SYK: variants seen among roughly 807,000 people sequenced by gnomAD.
SYK encodes tyrosine-protein kinase SYK.
A neutral mutation model predicts 77.8 loss-of-function variants in SYK; 16 were observed. That is an observed-to-expected ratio of 0.21 (90% confidence interval 0.14 to 0.31). The LOEUF is 0.31. Ranked by LOEUF, SYK falls within the 10% of genes least tolerant of loss-of-function variation. The pLI is 1.00. For missense variants in SYK, 529 were observed against 814.4 expected (o/e 0.65, Z 4.26); for synonymous variants, 312 against 308.7 (o/e 1.01, Z -0.11).
chr9:90,849,445 T>C (rs1336104052), intron 3 of SYK, among the ~76,000 whole-genome samples: 1 of 152,140 alleles, frequency 6.6e-6, no homozygotes, highest in Non-Finnish European at 1.5e-5. Flanking sequence ...CCATTCTCCA[T>C]CTCCCAGCTC....
Position 90,833,912 on chromosome 9 carries a change from T to C in SYK, c.-41-9946T>C, listed in dbSNP as rs192566733. Among the ~76,000 whole-genome samples, 28 of 152,300 alleles carry C rather than the reference T, an allele frequency of 1.8e-4. No homozygotes were observed. The East Asian group carries it at 5.4e-3, about 29-fold the overall frequency. ...CACATGGAAGACATGAGGATGCTAG[T>C]GGGATATGATGGGCTCATCCATTTC... On this transcript the variant is annotated intron_variant, in intron 1 of 13. Transcript: ENST00000375754.
intron 1 of SYK, among the ~76,000 whole-genome samples, chr9:90,841,554 GGTGTAGT>G (rs1406690346): frequency 1.9e-5 from 2 of 105,266 alleles, no homozygotes; most frequent in Non-Finnish European, 4.3e-5. Flanking sequence ...GTATGTGTGT[GGTGTAGT>G]GTGTGTGATG....
intron 1 of SYK, among the ~76,000 whole-genome samples, chr9:90,822,653 T>G (rs1825557348): frequency 6.6e-6 from 1 of 152,228 alleles, no homozygotes; most frequent in South Asian, 2.1e-4. Flanking sequence ...GCGGTCCTCC[T>G]GGGTCCCAAT....
At chr9:90,808,509 A>G (rs917802919) in intron 1 of SYK, among the ~76,000 whole-genome samples, 1 of 148,762 alleles carries the variant, frequency 6.7e-6, no homozygotes, top group African/African-American at 2.5e-5. Flanking sequence ...TTAAGGCTGC[A>G]TTCTTGCAGC....
intron 1 of SYK, among the ~76,000 whole-genome samples, chr9:90,809,632 C>T (rs1169028344): frequency 6.6e-6 from 1 of 152,194 alleles, no homozygotes; most frequent in East Asian, 1.9e-4. Context: ...TAGACACAAT[C>T]CCAAACCAAT....
At chr9:90,881,942 G>A (rs936758288) in intron 11 of SYK, among the ~76,000 whole-genome samples, 1 of 152,180 alleles carries the variant, frequency 6.6e-6, no homozygotes, top group Non-Finnish European at 1.5e-5. Flanking sequence ...GGTCCAATCA[G>A]TCATAGCAGA....
intron 1 of SYK, among the ~76,000 whole-genome samples, chr9:90,841,460 G>C (rs866549247): frequency 7.0e-6 from 1 of 142,852 alleles, no homozygotes; most frequent in Non-Finnish European, 1.5e-5. Context: ...TATGTAGTTT[G>C]TGTGTGTGTG....
At chr9:90,826,266 G>A (rs996396401) in intron 1 of SYK, among the ~76,000 whole-genome samples, 5 of 152,224 alleles carry the variant, frequency 3.3e-5, no homozygotes, top group Admixed American at 1.3e-4. Context: ...CCTGAGGCTC[G>A]ATGACCAGGT....
intron 1 of SYK, among the ~76,000 whole-genome samples, chr9:90,829,777 A>G (rs1250563721): frequency 6.6e-6 from 1 of 152,216 alleles, no homozygotes; most frequent in Non-Finnish European, 1.5e-5. Context: ...CTGGTTGTTT[A>G]TTTATAACTA....
intron 9 of SYK, among the ~76,000 whole-genome samples, chr9:90,875,090 G>A (rs1827876192): frequency 6.6e-6 from 1 of 151,876 alleles, no homozygotes; most frequent in Non-Finnish European, 1.5e-5. Flanking sequence ...ATAGAAACAA[G>A]CAGAAACATA....
chr9:90,891,134 G>A (rs1047485656), intron 13 of SYK, among the ~76,000 whole-genome samples: 1 of 140,160 alleles, frequency 7.1e-6, no homozygotes, highest in Non-Finnish European at 1.5e-5. Flanking sequence ...CCGACGCCAT[G>A]TTGCCTGCTT....
intron 1 of SYK, among the ~76,000 whole-genome samples, chr9:90,838,633 A>C (rs543549564): frequency 1.3e-5 from 2 of 152,354 alleles, no homozygotes; most frequent in East Asian, 3.9e-4. Flanking sequence ...TGAGGGGTAC[A>C]GGTGGAGTTA....
chr9:90,856,259 A>G (rs1264649908), intron 3 of SYK, among the ~76,000 whole-genome samples: 1 of 152,148 alleles, frequency 6.6e-6, no homozygotes, highest in African/African-American at 2.4e-5. Flanking sequence ...AGCTAAGCCA[A>G]TGGTTCTCAT....
intron 11 of SYK, among the ~76,000 whole-genome samples, chr9:90,883,007 C>T (rs373554330): frequency 2.6e-5 from 4 of 152,154 alleles, no homozygotes; most frequent in Non-Finnish European, 4.4e-5. Flanking sequence ...AGAGGCATTG[C>T]TCCATAGAGG....
At chr9:90,815,493 T>C (rs2118350601) in intron 1 of SYK, among the ~76,000 whole-genome samples, 1 of 152,330 alleles carries the variant, frequency 6.6e-6, no homozygotes, top group South Asian at 2.1e-4. Context: ...GAAGTCGTTT[T>C]GAAGGGTTTG....
rs573845270 is a variant in SYK at position 90,863,196 on chromosome 9, A to G, written c.717+852A>G. Among the ~76,000 whole-genome samples, 124 of 152,358 alleles carry G rather than the reference A, an allele frequency of 8.1e-4. 1 individual carries two copies. Among genetic ancestry groups the G allele is most frequent in the African/African-American group, 2.9e-3 (121 of 41,584 alleles). ...AAATAACCGTAACAGTACTTCGTGC[A>G]TCATCTTCGCAGAGCATCCTATAAA... is the stretch of plus-strand genomic sequence containing the variant. On this transcript the variant is annotated intron_variant, in intron 4 of 13. Transcript: ENST00000375754.
chr9:90,873,428 G>A (rs576809786), intron 7 of SYK, among the ~76,000 whole-genome samples: 1 of 152,172 alleles, frequency 6.6e-6, no homozygotes, highest in Non-Finnish European at 1.5e-5. Context: ...GGAAGAAAGG[G>A]TGGGTCAGGA....
chr9:90,861,496 T>A (rs1004217937), intron 3 of SYK, among the ~76,000 whole-genome samples: 6 of 151,384 alleles, frequency 4.0e-5, no homozygotes, highest in Admixed American at 2.0e-4. Flanking sequence ...CAGCCCTGCC[T>A]CCCTTTCCTG....
intron 3 of SYK, among the ~76,000 whole-genome samples, chr9:90,861,537 C>T (rs1247783934): frequency 8.3e-5 from 3 of 36,034 alleles, no homozygotes; most frequent in Non-Finnish European, 1.3e-4. Flanking sequence ...AGCCCTGCCT[C>T]CCTTTCCTGC....
Sources: allele counts gnomAD v4.1 joint callset (sites outside exome capture counted in the v4.1 genomes callset), GRCh38; gene constraint gnomAD v4.1.1; transcripts MANE v1.5; gene names NCBI Gene and HGNC (gene_info 2026-07-23, HGNC 2026-07-21).